Variants in PPP2R3A observed in about 807,000 individuals in gnomAD.
PPP2R3A encodes protein phosphatase 2 regulatory subunit B''alpha.
Under a neutral mutation model 106.9 loss-of-function variants are expected in PPP2R3A, and 80 were observed. The ratio of observed to expected loss-of-function variants is 0.75; its 90% CI spans 0.62 to 0.90. PPP2R3A has a LOEUF of 0.90. Ranked by LOEUF, PPP2R3A falls within the 40% of genes least tolerant of loss-of-function variation. The pLI, the probability that PPP2R3A is intolerant of heterozygous loss-of-function variation, is 0.00. For synonymous variants in PPP2R3A, 483 were observed against 468.3 expected, an observed-to-expected ratio of 1.03 and a Z score of -0.41; for missense variants, 1,386 against 1,350.4, an observed-to-expected ratio of 1.03 and a Z score of -0.41.
chr3:135,967,885 C>T (rs1937135020), intron 1 of PPP2R3A, among the ~76,000 whole-genome samples: 1 of 152,178 alleles, frequency 6.6e-6, no homozygotes, highest in African/African-American at 2.4e-5. Context: ...CTATCATGTG[C>T]AGCGTAGGAT....
rs752480101 is a variant in PPP2R3A, at chr3:136,001,575, A to C, written c.77A>C (p.Gln26Pro). Residue 26 changes from glutamine (Q) to proline (P), a missense_variant, in exon 2 of 14, where the codon CAA becomes CCA. Gln to Pro is a moderately conservative substitution (Grantham distance 76, BLOSUM62 -1). Transcript: ENST00000264977. ...SSVVIDRRFE[Q>P]AIHYCTGTCH... ...GTGGTGATAGACCGGCGTTTTGAAC[A>C]AGCTATACATTATTGCACTGGAACC... 45 of 1,614,056 alleles carry C rather than the reference A, an allele frequency of 2.8e-5. No individual in the cohort carries two copies. The Admixed American group carries it at 6.5e-4, about 23-fold the overall frequency.
At chr3:135,989,434 A>G (rs1247485028) in intron 1 of PPP2R3A, among the ~76,000 whole-genome samples, 2 of 152,110 alleles carry the variant, frequency 1.3e-5, no homozygotes, top group African/African-American at 4.8e-5. Context: ...CTTTCTTGAC[A>G]TTCTATCTAT....
intron 5 of PPP2R3A, among the ~76,000 whole-genome samples, chr3:136,067,760 A>C: frequency 6.6e-6 from 1 of 152,236 alleles, no homozygotes; most frequent in East Asian, 1.9e-4. Context: ...TTCTAGTAGT[A>C]ATGGGCACCT....
chr3:136,139,088 T>C (rs1938744702), intron 13 of PPP2R3A, among the ~76,000 whole-genome samples: 1 of 152,112 alleles, frequency 6.6e-6, no homozygotes, highest in South Asian at 2.1e-4. Flanking sequence ...CTGAATCAAA[T>C]ATTCTATTCC....
intron 13 of PPP2R3A, chr3:136,106,659 C>G: frequency 4.3e-6 from 1 of 235,232 alleles, no homozygotes; most frequent in Non-Finnish European, 8.3e-6. Context: ...CGGTGGCTCA[C>G]GCCTGTAATC....
intron 1 of PPP2R3A, among the ~76,000 whole-genome samples, chr3:135,975,654 A>G (rs9862264): frequency 0.25 from 38,521 of 151,868 alleles, 5,341 homozygotes; most frequent in Non-Finnish European, 0.32. Flanking sequence ...GTTGTTTCCA[A>G]TTTTTCCGTG....
intron 1 of PPP2R3A, among the ~76,000 whole-genome samples, chr3:135,978,140 A>G (rs1476250903): frequency 6.6e-6 from 1 of 152,230 alleles, no homozygotes; most frequent in East Asian, 1.9e-4. Context: ...AAAAGTTTAA[A>G]AAAATCATTA....
In PPP2R3A at chr3:136,055,271, G is replaced by C. The variant is rs72983475; in HGVS notation, c.2469+5910G>C. ...TAAAAAGAAACATGAAGTACAAATG[G>C]ATCACAGACCTGAGTCTGTTGTGTT... On this transcript the variant is annotated intron_variant, in intron 5 of 13. Transcript: ENST00000264977. 2.8e-3 allele frequency: 2,351 copies of C among 851,276 alleles called. 33 individuals are homozygous for C. The African/African-American group carries it at 0.036, about 13-fold the overall frequency. 52.7% of individuals were successfully genotyped at this position (851,276 alleles called of 1,614,324 possible). A position where few individuals can be genotyped will look rare whatever the true frequency, so the allele number is the denominator to read the frequency against.
chr3:136,095,315 C>T (rs1474535152), intron 10 of PPP2R3A, among the ~76,000 whole-genome samples: 1 of 152,184 alleles, frequency 6.6e-6, no homozygotes, highest in Non-Finnish European at 1.5e-5. Flanking sequence ...CTTTCTTAGA[C>T]CTCCTTTGGT....
intron 13 of PPP2R3A, among the ~76,000 whole-genome samples, chr3:136,115,746 T>G (rs1937725250): frequency 6.6e-6 from 1 of 151,222 alleles, no homozygotes; most frequent in African/African-American, 2.4e-5. Flanking sequence ...TGGGACTATG[T>G]GAAAAGACCA....
chr3:135,990,593 A>C (rs1477767212), intron 1 of PPP2R3A, among the ~76,000 whole-genome samples: 1 of 152,134 alleles, frequency 6.6e-6, no homozygotes, highest in Non-Finnish European at 1.5e-5. Flanking sequence ...TAAATTTCAG[A>C]TTTCTTGTTA....
chr3:135,980,314 AAG>A (rs1937524322), intron 1 of PPP2R3A, among the ~76,000 whole-genome samples: 1 of 151,764 alleles, frequency 6.6e-6, no homozygotes, highest in Admixed American at 6.6e-5. Context: ...GCAGGTCTCT[AAG>A]AAGTGGGTAT....
In PPP2R3A at chr3:136,023,689, A is replaced by G. The variant is rs138847594; in HGVS notation, c.1996-3143A>G. Among the ~76,000 whole-genome samples, 142 of 152,252 alleles carry G rather than the reference A, an allele frequency of 9.3e-4. 2 individuals are homozygous for G. The East Asian group carries it at 0.027, about 29-fold the overall frequency. On this transcript the variant is annotated intron_variant, in intron 2 of 13. Transcript: ENST00000264977. ...GTAATCTTTTTTTAAAGCAAGACGT[A>G]TTTGTCTATATAGACAATTGTGTAT...
In PPP2R3A at chr3:136,070,544, A is replaced by G. The variant is rs780142808; in HGVS notation, c.2536A>G (p.Ile846Val). ...KDAPEFHSRY[I>V]TTVIQRIFYT... ...TGCTCCAGAATTCCACTCCCGCTAC[A>G]TCACCACGGTAGGCTGAGTCATCTT... The change falls in exon 6 of 14, where the codon ATC becomes GTC. Residue 846 changes from isoleucine (I) to valine (V), a missense_variant. Physicochemically the swap from Ile to Val is conservative, Grantham distance 29. Transcript: ENST00000264977. The G allele has an allele frequency of 2.4e-5, 39 of 1,609,528 alleles. No homozygotes were observed. The Admixed American group carries it at 5.4e-4, about 22-fold the overall frequency.
Position 136,002,074 on chromosome 3 carries a change from A to G in PPP2R3A, c.576A>G (p.Ser192=). The stretch of plus-strand genomic sequence containing the variant: ...AAAAACCTTTGTCTCATAGAAACTC[A>G]CTGGATACGAACCTGACTTCCATGT... The part of the protein sequence containing the change: ...VEEKPLSHRN[S]LDTNLTSMFL... The change falls in exon 2 of 14, where the codon TCA becomes TCG. Residue 192 remains serine (S), a synonymous_variant. Coordinates refer to ENST00000264977, the MANE Select transcript of PPP2R3A (RefSeq NM_002718.5). 1 of 1,614,106 alleles carries G rather than the reference A, an allele frequency of 6.2e-7. No homozygotes were observed. Among genetic ancestry groups the G allele is most frequent in the Non-Finnish European group, 8.5e-7 (1 of 1,180,004 alleles).
chr3:136,034,326 C>T (rs1453964137), intron 3 of PPP2R3A, among the ~76,000 whole-genome samples: 6 of 152,276 alleles, frequency 3.9e-5, no homozygotes, highest in Non-Finnish European at 8.8e-5. Flanking sequence ...TGAGCCACTG[C>T]GCCCAGCCCA....
At chr3:135,985,337 C>G (rs1937594461) in intron 1 of PPP2R3A, among the ~76,000 whole-genome samples, 1 of 151,118 alleles carries the variant, frequency 6.6e-6, no homozygotes, top group Non-Finnish European at 1.5e-5. Context: ...CTTTCTCTCT[C>G]TCTCTCTCTC....
At chr3:136,055,098 A>G in intron 5 of PPP2R3A, 1 of 496,662 alleles carries the variant, frequency 2.0e-6, no homozygotes. Context: ...TAACTTCAAG[A>G]ATTTTGACTT....
intron 13 of PPP2R3A, among the ~76,000 whole-genome samples, chr3:136,124,187 CAT>C (rs760207847): frequency 1.1e-4 from 16 of 152,068 alleles, no homozygotes; most frequent in Non-Finnish European, 1.8e-4. Flanking sequence ...ATGAAAAGAA[CAT>C]GTGAAAATAT....
Sources: gnomAD v4.1 joint callset for allele counts (sites outside exome capture counted in the v4.1 genomes callset) on GRCh38, gnomAD v4.1.1 for gene constraint, MANE v1.5 for transcripts, NCBI Gene and HGNC (gene_info 2026-07-23, HGNC 2026-07-21) for gene names.